ABCC4: variants seen among roughly 807,000 people sequenced by gnomAD.
The protein encoded by ABCC4 is ATP-binding cassette sub-family C member 4.
In ABCC4, 102 loss-of-function variants were observed where a neutral mutation model predicts 168.5. That is an observed-to-expected ratio of 0.61 (90% CI 0.52 to 0.71). The LOEUF (loss-of-function observed/expected upper bound fraction) is 0.71, where lower values mean the gene tolerates loss of function less well. Among genes scored for constraint, ABCC4 ranks in the 30% least tolerant of loss-of-function variants. ABCC4 has a pLI of 0.00. For missense variants in ABCC4, 1,402 were observed against 1,605.8 expected (o/e 0.87, Z 2.17); for synonymous variants, 617 against 590.7 (o/e 1.04, Z -0.65).
chr13:95,298,672 C>T (rs893505521), intron 1 of ABCC4, among the ~76,000 whole-genome samples: 2 of 152,168 alleles, frequency 1.3e-5, no homozygotes, highest in Admixed American at 6.6e-5. Context: ...GAACAGGGAG[C>T]GCCTTCTCCA....
chr13:95,296,172 ACACACACAC>A (rs2041528762), intron 1 of ABCC4, among the ~76,000 whole-genome samples: 3 of 107,024 alleles, frequency 2.8e-5, no homozygotes, highest in African/African-American at 1.0e-4. Context: ...ACACACACAC[ACACACACAC>A]ACAAAAACAC....
chr13:95,025,132 G>A (rs1204411774), intron 30 of ABCC4, among the ~76,000 whole-genome samples: 1 of 150,086 alleles, frequency 6.7e-6, no homozygotes, highest in Non-Finnish European at 1.5e-5. Context: ...AGCTAAGGAG[G>A]AAGAAAGGCA....
chr13:95,255,905 C>A (rs1328895116), intron 1 of ABCC4, among the ~76,000 whole-genome samples: 4 of 152,118 alleles, frequency 2.6e-5, no homozygotes, highest in Non-Finnish European at 5.9e-5. Flanking sequence ...CTAATCCATG[C>A]CTTTCACTTC....
In ABCC4 at chr13:95,034,714, T is replaced by C; in HGVS notation, c.3761A>G (p.Glu1254Gly). The change falls in exon 30 of 31, where the codon GAA (glutamate) becomes GGA (glycine). Residue 1254 changes from glutamate (E) to glycine (G), a missense_variant. By Grantham distance (98) the Glu-to-Gly change is moderately conservative. Transcript: ENST00000645237. Reference protein sequence around the residue: ...IMVLDSGRLKEYDEPYVLLQN... With the variant: ...IMVLDSGRLKGYDEPYVLLQN... Reference sequence around the variant, plus strand: ...CAGCAAAACATACGGCTCATCATATTCTTTCAGTCTTCCTGAATCTAAAAC... The same window carrying C: ...CAGCAAAACATACGGCTCATCATATCCTTTCAGTCTTCCTGAATCTAAAAC... The C allele has an allele frequency of 1.9e-6, 3 of 1,614,228 alleles. No individual in the cohort carries two copies. Among genetic ancestry groups the C allele is most frequent in the Non-Finnish European group, 2.5e-6 (3 of 1,180,044 alleles).
chr13:95,292,033 G>A (rs926465105), intron 1 of ABCC4, among the ~76,000 whole-genome samples: 1 of 152,152 alleles, frequency 6.6e-6, no homozygotes, highest in Non-Finnish European at 1.5e-5. Context: ...ACTTGAATGT[G>A]TAGCAGGCAT....
intron 19 of ABCC4, among the ~76,000 whole-genome samples, chr13:95,122,905 G>A (rs932944937): frequency 6.6e-6 from 1 of 152,178 alleles, no homozygotes; most frequent in Non-Finnish European, 1.5e-5. Context: ...GTAGTCCCAG[G>A]ACTGTGTTGT....
intron 20 of ABCC4, among the ~76,000 whole-genome samples, chr13:95,101,076 C>G (rs770312169): frequency 6.6e-6 from 1 of 152,210 alleles, no homozygotes; most frequent in Non-Finnish European, 1.5e-5. Context: ...TTCTCCACAT[C>G]CAGATGCAGC....
chr13:95,036,746 A>G (rs904289047), intron 29 of ABCC4, among the ~76,000 whole-genome samples: 1 of 152,166 alleles, frequency 6.6e-6, no homozygotes, highest in African/African-American at 2.4e-5. Context: ...CTTAAAAAAT[A>G]TAAAATAAAA....
At chr13:95,025,206 ACACCCCC>A (rs1566350707) in intron 30 of ABCC4, among the ~76,000 whole-genome samples, 52 of 41,078 alleles carry the variant, frequency 1.3e-3, no homozygotes, top group African/African-American at 5.9e-3. Context: ...ACACACCCCC[ACACCCCC>A]CACACACCCC....
intron 19 of ABCC4, among the ~76,000 whole-genome samples, chr13:95,159,174 C>T (rs1346634274): frequency 3.0e-5 from 4 of 132,878 alleles, no homozygotes; most frequent in African/African-American, 5.4e-5. Context: ...AATTCTGAGG[C>T]GTAATTCACA....
At chr13:95,116,093 T>C (rs1228767522) in intron 19 of ABCC4, 92 bp from the exon 20 acceptor site, 2 of 882,276 alleles carry the variant, frequency 2.3e-6, no homozygotes, top group African/African-American at 3.4e-5. Context: ...ATATTTTAAA[T>C]GCATATGTAT....
chr13:95,293,475 A>G (rs2138958430), intron 1 of ABCC4, among the ~76,000 whole-genome samples: 1 of 151,232 alleles, frequency 6.6e-6, no homozygotes, highest in East Asian at 2.0e-4. Context: ...CACACGGACT[A>G]TGTTTTTTTG....
At chr13:95,274,183 A>G (rs79346860) in intron 1 of ABCC4, among the ~76,000 whole-genome samples, 10,081 of 152,206 alleles carry the variant, frequency 0.066, 396 homozygotes, top group East Asian at 0.09. Flanking sequence ...TTTCCCCTTC[A>G]GCCAGGCCAG....
chr13:95,161,328 A>G lies in ABCC4; in HGVS notation c.2316T>C (p.Thr772=), dbSNP rs371360286. The change falls in exon 19 of 31, where the codon ACT becomes ACC. Residue 772 remains threonine (T), a synonymous_variant. Transcript: ENST00000645237. ...NWYLGIYSGL[T]VATVLFGIAR... is the part of the protein sequence containing the mutation. ...CTATGCCAAAAAGAACGGTAGCTAC[A>G]GTTAAACCTGAAATAAAGAAATATC... 9.5e-6 allele frequency: 15 copies of G among 1,578,446 alleles called. No homozygotes were observed. The African/African-American group carries it at 2.0e-4, about 22-fold the overall frequency.
chr13:95,170,470 A>C, intron 14 of ABCC4, 62 bp downstream of exon 14: 1 of 935,878 alleles, frequency 1.1e-6, no homozygotes, highest in Non-Finnish European at 1.6e-6. Context: ...ATGGAGGAAG[A>C]AGAAGGGGAT....
At chr13:95,128,669 G>T (rs561981018) in intron 19 of ABCC4, among the ~76,000 whole-genome samples, 1 of 152,118 alleles carries the variant, frequency 6.6e-6, no homozygotes, top group Non-Finnish European at 1.5e-5. Context: ...GGCAAGCTGT[G>T]GCCATTTCCC....
chr13:95,271,493 G>A (rs1181668775), intron 1 of ABCC4, among the ~76,000 whole-genome samples: 1 of 152,122 alleles, frequency 6.6e-6, no homozygotes, highest in East Asian at 1.9e-4. Flanking sequence ...TATTCTCTAA[G>A]GCCACAGCTA....
At position 95,083,143 on chromosome 13, in the gene ABCC4, T is replaced by C. The variant is rs757472380; in HGVS notation, c.2683A>G (p.Thr895Ala). The part of the protein sequence containing the change: ...TSRDVKRLES[T>A]TRSPVFSHLS... ...CAACCCGAGTTTCCATACTCACTTG[T>C]AGATTCCAGGCGCTTCACATCTCTT... Residue 895 changes from threonine to alanine, a missense_variant, in exon 21 of 31, where the codon ACA (threonine) becomes GCA (alanine). By Grantham distance (58) the Thr-to-Ala change is moderately conservative. Transcript: ENST00000645237. 7.4e-6 allele frequency: 12 copies of C among 1,613,948 alleles called. No individual in the cohort carries two copies. The highest frequency in any genetic ancestry group is 1.0e-5 in the Non-Finnish European group (12 of 1,179,892).
rs567518172 is a variant in ABCC4 at position 95,283,846 on chromosome 13, C to T, written c.74+17395G>A. ...CCAGGAGGCAGAGGTTGCCGTGAGC[C>T]GAGATCTCGTCATTGCACTCCAGCC... On this transcript the variant is annotated intron_variant, in intron 1 of 30. Transcript: ENST00000645237. Among the ~76,000 whole-genome samples, 405 of 145,354 alleles carry T rather than the reference C, an allele frequency of 2.8e-3. 7 individuals are homozygous for T. Among genetic ancestry groups the T allele is most frequent in the Admixed American group, 5.3e-3 (76 of 14,368 alleles).
Sources: gnomAD v4.1 joint callset for allele counts (sites outside exome capture counted in the v4.1 genomes callset) on GRCh38, gnomAD v4.1.1 for gene constraint, MANE v1.5 for transcripts, NCBI Gene and HGNC (gene_info 2026-07-23, HGNC 2026-07-21) for gene names.